The following NREP variants were observed in gnomAD, a reference collection of about 807,000 sequenced individuals.
The protein encoded by NREP is neuronal regeneration-related protein.
Under a neutral mutation model 8.6 loss-of-function variants are expected in NREP, and 5 were observed. The ratio of observed to expected loss-of-function variants is 0.58; its 90% CI spans 0.30 to 1.22. The LOEUF is 1.22. Among genes scored for constraint, NREP ranks in the 50% most tolerant of loss-of-function variants. NREP has a pLI of 0.07. For synonymous variants in NREP, 27 were observed against 28.0 expected, an observed-to-expected ratio of 0.96 and a Z score of 0.11; for missense variants, 86 against 82.5, an observed-to-expected ratio of 1.04 and a Z score of -0.17.
At chr5:111,903,790 C>G (rs1269783644) in intron 2 of NREP, among the ~76,000 whole-genome samples, 1 of 152,120 alleles carries the variant, frequency 6.6e-6, no homozygotes, top group Non-Finnish European at 1.5e-5. Context: ...GACATTTCTT[C>G]TCTAGATTTT....
At chr5:111,767,508 G>T (rs1455082316) in intron 2 of NREP, among the ~76,000 whole-genome samples, 1 of 152,128 alleles carries the variant, frequency 6.6e-6, no homozygotes, top group Non-Finnish European at 1.5e-5. Flanking sequence ...CATCTCCCTT[G>T]AATAGCTGGG....
chr5:111,751,656 C>G (rs777097760), intron 2 of NREP, among the ~76,000 whole-genome samples: 1 of 152,132 alleles, frequency 6.6e-6, no homozygotes, highest in Non-Finnish European at 1.5e-5. Flanking sequence ...CTGGTATATT[C>G]AAATTGGATT....
At chr5:111,895,713 A>G (rs1179017263) in intron 2 of NREP, among the ~76,000 whole-genome samples, 1 of 152,122 alleles carries the variant, frequency 6.6e-6, no homozygotes, top group African/African-American at 2.4e-5. Context: ...CTTGTAAGAT[A>G]TTTAACATTA....
intron 2 of NREP, among the ~76,000 whole-genome samples, chr5:111,798,051 A>G (rs1751912856): frequency 6.6e-6 from 1 of 152,178 alleles, no homozygotes; most frequent in Non-Finnish European, 1.5e-5. Context: ...CTGGGAATGA[A>G]TTAGATAGTT....
intron 2 of NREP, among the ~76,000 whole-genome samples, chr5:111,885,073 A>G (rs1754203825): frequency 6.6e-6 from 1 of 152,012 alleles, no homozygotes; most frequent in African/African-American, 2.4e-5. Context: ...TACCTAGAAA[A>G]CCCCATTGTC....
At chr5:111,835,319 G>A (rs895068608) in intron 2 of NREP, among the ~76,000 whole-genome samples, 7 of 151,962 alleles carry the variant, frequency 4.6e-5, no homozygotes, top group African/African-American at 1.7e-4. Flanking sequence ...AAAGTTTCTA[G>A]GACCTACCAC....
intron 2 of NREP, among the ~76,000 whole-genome samples, chr5:111,932,117 C>CAAAAAAAAAAAAA (rs57518070): frequency 8.7e-6 from 1 of 115,596 alleles, no homozygotes; most frequent in Non-Finnish European, 1.9e-5. Flanking sequence ...AGACTTTTTG[C>CAAAAAAAAAAAAA]AAAAAAAAAA....
chr5:111,777,107 T>A (rs546337568), intron 2 of NREP, among the ~76,000 whole-genome samples: 1 of 152,062 alleles, frequency 6.6e-6, no homozygotes, highest in South Asian at 2.1e-4. Context: ...CCAAGCTAGA[T>A]TGTTAAGTGA....
chr5:111,967,081 G>C (rs1392191988), intron 2 of NREP, among the ~76,000 whole-genome samples: 5 of 151,990 alleles, frequency 3.3e-5, no homozygotes. Flanking sequence ...TCATCTATTG[G>C]GTAGAGATCA....
At chr5:111,801,848 G>C (rs1752015986) in intron 2 of NREP, among the ~76,000 whole-genome samples, 1 of 152,190 alleles carries the variant, frequency 6.6e-6, no homozygotes, top group South Asian at 2.1e-4. Flanking sequence ...GAGAAAGACA[G>C]ATCATGGGAA....
chr5:111,893,179 T>A (rs879403216), intron 2 of NREP, among the ~76,000 whole-genome samples: 1 of 152,164 alleles, frequency 6.6e-6, no homozygotes, highest in Admixed American at 6.5e-5. Context: ...TCCCAGCAGC[T>A]GCAAATAATT....
intron 2 of NREP, among the ~76,000 whole-genome samples, chr5:111,951,020 G>T (rs1756145011): frequency 6.6e-6 from 1 of 152,058 alleles, no homozygotes; most frequent in Admixed American, 6.6e-5. Flanking sequence ...TGAATTTGGT[G>T]TTTGTCTTTC....
chr5:111,834,351 T>C (rs1581152085), intron 2 of NREP, among the ~76,000 whole-genome samples: 1 of 152,346 alleles, frequency 6.6e-6, no homozygotes, highest in Admixed American at 6.5e-5. Context: ...TTTAGTTCTG[T>C]CATTGATCTC....
chr5:111,936,543 G>A (rs1195527167), intron 2 of NREP, among the ~76,000 whole-genome samples: 3 of 152,046 alleles, frequency 2.0e-5, no homozygotes, highest in African/African-American at 7.2e-5. Context: ...TCCTATCCCA[G>A]TATGACCTCA....
chr5:111,826,190 G>T lies in NREP; in HGVS notation c.136-90683C>A, dbSNP rs569585613. Among the ~76,000 whole-genome samples, 41 of 152,212 alleles carry T rather than the reference G, an allele frequency of 2.7e-4. No individual in the cohort carries two copies. In the South Asian group the frequency reaches 7.5e-3, roughly 28 times the overall value. ...ATCAGTGCTTTGTGTCTAGCTAAAG[G>T]TTCGTAAACGCACCAATCAGCACTC... On this transcript the variant is annotated intron_variant, in intron 2 of 3. Coordinates refer to the NREP transcript ENST00000395634.
At chr5:111,797,224 A>C (rs749964796) in intron 2 of NREP, among the ~76,000 whole-genome samples, 4 of 152,260 alleles carry the variant, frequency 2.6e-5, no homozygotes, top group South Asian at 2.1e-4. Context: ...TTTAGTACCC[A>C]TTAAGTTCCA....
chr5:111,784,080 G>T (rs977008131), intron 2 of NREP, among the ~76,000 whole-genome samples: 1 of 152,178 alleles, frequency 6.6e-6, no homozygotes, highest in African/African-American at 2.4e-5. Flanking sequence ...AGTTCAGCAA[G>T]AAGAGGACTC....
chr5:111,976,565 T>C (rs890020494), intron 1 of NREP: 3 of 632,340 alleles, frequency 4.7e-6, no homozygotes, highest in Non-Finnish European at 8.3e-6. Flanking sequence ...TTTGTATTCA[T>C]AAACAGAGTC....
At chr5:111,844,905 A>G (rs1038871361) in intron 2 of NREP, among the ~76,000 whole-genome samples, 1 of 151,502 alleles carries the variant, frequency 6.6e-6, no homozygotes, top group Non-Finnish European at 1.5e-5. Flanking sequence ...TGATTGATAT[A>G]TTTATCTATT....
Sources: allele counts gnomAD v4.1 joint callset (sites outside exome capture counted in the v4.1 genomes callset), GRCh38; gene constraint gnomAD v4.1.1; transcripts MANE v1.5; gene names NCBI Gene and HGNC (gene_info 2026-07-23, HGNC 2026-07-21).